Variants in SLC16A12 observed in about 807,000 individuals in gnomAD.
SLC16A12 encodes the protein monocarboxylate transporter 12.
SLC16A12 carries 17 observed loss-of-function variants against 42.4 expected under a neutral mutation model. The observed-to-expected ratio is 0.40, with a 90% CI of 0.27 to 0.60. The LOEUF (loss-of-function observed/expected upper bound fraction) is 0.60, where lower values mean the gene tolerates loss of function less well. Among genes scored for constraint, SLC16A12 ranks in the 20% least tolerant of loss-of-function variants. SLC16A12 has a pLI of 0.42. For missense variants in SLC16A12, 544 were observed against 623.0 expected (o/e 0.87, Z 1.35); for synonymous variants, 224 against 229.4 (o/e 0.98, Z 0.21).
chr10:89,484,746 G>A (rs542581818), intron 2 of SLC16A12, among the ~76,000 whole-genome samples: 1 of 152,228 alleles, frequency 6.6e-6, no homozygotes, highest in East Asian at 1.9e-4. Flanking sequence ...ATCTAAGAAG[G>A]CATTGCTTCC....
chr10:89,462,018 C>T (rs574163399), intron 3 of SLC16A12, among the ~76,000 whole-genome samples: 16 of 152,178 alleles, frequency 1.1e-4, no homozygotes, highest in Non-Finnish European at 2.2e-4. Context: ...GGAATAGTCA[C>T]AGCATTGGCC....
At chr10:89,456,879 T>C (rs1208746692) in intron 3 of SLC16A12, among the ~76,000 whole-genome samples, 1 of 152,136 alleles carries the variant, frequency 6.6e-6, no homozygotes, top group Non-Finnish European at 1.5e-5. Flanking sequence ...AAGGACATGA[T>C]CTTATTCCTT....
chr10:89,490,411 A>C (rs1337348714), intron 2 of SLC16A12, among the ~76,000 whole-genome samples: 4 of 152,202 alleles, frequency 2.6e-5, no homozygotes, highest in African/African-American at 9.6e-5. Context: ...CCCACTTCAG[A>C]TACCAGTCAC....
intron 3 of SLC16A12, among the ~76,000 whole-genome samples, chr10:89,452,292 T>C (rs936748044): frequency 2.0e-5 from 3 of 152,216 alleles, no homozygotes; most frequent in African/African-American, 7.2e-5. Flanking sequence ...ACTGTTCTGA[T>C]GGAAAATGAA....
At chr10:89,441,302 T>C in intron 4 of SLC16A12, 51 bp from the exon 5 acceptor site, 1 of 1,609,742 alleles carries the variant, frequency 6.2e-7, no homozygotes. Flanking sequence ...GAGGGCACTG[T>C]GAAAGGCTGT....
At chr10:89,468,450 G>A (rs1274387333) in intron 2 of SLC16A12, among the ~76,000 whole-genome samples, 1 of 152,232 alleles carries the variant, frequency 6.6e-6, no homozygotes, top group Non-Finnish European at 1.5e-5. Context: ...AGCTTTGGCT[G>A]ACTTTGGATG....
At chr10:89,483,330 C>T (rs772455676) in intron 2 of SLC16A12, among the ~76,000 whole-genome samples, 6 of 152,130 alleles carry the variant, frequency 3.9e-5, no homozygotes, top group Non-Finnish European at 8.8e-5. Context: ...GGAACACAAA[C>T]ATTGAGTCCA....
rs527311780 is a variant in SLC16A12, at chr10:89,517,855, C to T, written c.-47+16646G>A. On this transcript the variant is annotated intron_variant, in intron 2 of 7. Transcript: ENST00000371790. ...GAATAACATACATTGTGAGTTATCC[C>T]CCTATTACAACTTTTCAAGAAAAAG... is the stretch of plus-strand genomic sequence containing the variant. 3.8e-3 allele frequency among the ~76,000 whole-genome samples: 581 copies of T among 152,094 alleles called. 2 individuals are homozygous for T. Among genetic ancestry groups the T allele is most frequent in the African/African-American group, 0.013 (532 of 41,480 alleles).
intron 2 of SLC16A12, among the ~76,000 whole-genome samples, chr10:89,490,932 A>G (rs1374933418): frequency 6.6e-6 from 1 of 152,234 alleles, no homozygotes. Flanking sequence ...GTTATGAATA[A>G]CAAAAGACAA....
intron 2 of SLC16A12, among the ~76,000 whole-genome samples, chr10:89,552,362 C>A (rs1843776267): frequency 6.6e-6 from 1 of 152,204 alleles, no homozygotes; most frequent in Admixed American, 6.5e-5. Context: ...CCCATGTAAT[C>A]TCATTTAAAA....
chr10:89,535,903 C>G (rs1843651582), upstream of SLC16A12, among the ~76,000 whole-genome samples: 1 of 152,250 alleles, frequency 6.6e-6, no homozygotes, highest in South Asian at 2.1e-4. Flanking sequence ...CGGAAAATCC[C>G]AGTGCTCGGC....
chr10:89,436,914 A>AAGAAAGAG (rs796398100), intron 6 of SLC16A12, among the ~76,000 whole-genome samples: 1 of 136,462 alleles, frequency 7.3e-6, no homozygotes, highest in Non-Finnish European at 1.6e-5. Context: ...GAAAGAAAGA[A>AAGAAAGAG]AAAGAAAGAG....
intron 6 of SLC16A12, among the ~76,000 whole-genome samples, chr10:89,437,924 T>C (rs545435641): frequency 1.3e-5 from 2 of 152,232 alleles, no homozygotes; most frequent in African/African-American, 4.8e-5. Flanking sequence ...GCAATTTGCA[T>C]TGTCAAACAT....
chr10:89,527,614 T>C (rs146967665), intron 2 of SLC16A12, among the ~76,000 whole-genome samples: 93 of 150,006 alleles, frequency 6.2e-4, no homozygotes, highest in African/African-American at 2.1e-3. Flanking sequence ...TGGAAAAACA[T>C]AGTAAGACTC....
At chr10:89,473,033 G>A (rs949621199) in intron 2 of SLC16A12, among the ~76,000 whole-genome samples, 1 of 151,042 alleles carries the variant, frequency 6.6e-6, no homozygotes, top group African/African-American at 2.4e-5. Context: ...TTCTCAGGCT[G>A]GTCTCAAACT....
intron 2 of SLC16A12, among the ~76,000 whole-genome samples, chr10:89,509,126 C>T (rs1393088391): frequency 6.6e-6 from 1 of 152,124 alleles, no homozygotes; most frequent in Non-Finnish European, 1.5e-5. Context: ...CAAAAAAAGT[C>T]CAGGACCAGA....
chr10:89,518,043 T>C (rs1843284331), intron 2 of SLC16A12, among the ~76,000 whole-genome samples: 1 of 152,168 alleles, frequency 6.6e-6, no homozygotes. Flanking sequence ...GTCACTCAAA[T>C]GATTTACCAG....
chr10:89,546,286 AC>A (rs1843742326), intron 2 of SLC16A12, among the ~76,000 whole-genome samples: 1 of 152,168 alleles, frequency 6.6e-6, no homozygotes, highest in Non-Finnish European at 1.5e-5. Flanking sequence ...TTTGCAATCT[AC>A]CCATCTGACA....
Position 89,527,276 on chromosome 10 carries a change from A to G in SLC16A12, c.-47+7225T>C, listed in dbSNP as rs899403763. 5.9e-5 allele frequency among the ~76,000 whole-genome samples: 9 copies of G among 152,044 alleles called. 1 individual carries two copies. Among genetic ancestry groups the G allele is most frequent in the Non-Finnish European group, 1.5e-5 (1 of 68,002 alleles). On this transcript the variant is annotated intron_variant, in intron 2 of 7. Transcript: ENST00000371790. ...GGTGGGCAGATCACTTGAGGTCAGAAGTTTGAGACCAGCCTGACCAACGTG... is the reference window on the plus strand; with the variant it reads ...GGTGGGCAGATCACTTGAGGTCAGAGGTTTGAGACCAGCCTGACCAACGTG...
Sources: allele counts gnomAD v4.1 joint callset (sites outside exome capture counted in the v4.1 genomes callset), GRCh38; gene constraint gnomAD v4.1.1; transcripts MANE v1.5; gene names NCBI Gene and HGNC (gene_info 2026-07-23, HGNC 2026-07-21).